Variants in CCDC81 observed in about 807,000 individuals in gnomAD.
The protein encoded by CCDC81 is coiled-coil domain-containing protein 81.
Under a neutral mutation model 83.7 loss-of-function variants are expected in CCDC81, and 79 were observed. The ratio of observed to expected loss-of-function variants is 0.94; its 90% CI spans 0.79 to 1.14. The LOEUF (loss-of-function observed/expected upper bound fraction) is 1.14. Among genes scored for constraint, CCDC81 ranks in the 50% most tolerant of loss-of-function variants. The pLI is 0.00. For missense variants in CCDC81, 791 were observed against 778.1 expected (o/e 1.02, Z -0.20); for synonymous variants, 252 against 278.1 (o/e 0.91, Z 0.93).
intron 7 of CCDC81, among the ~76,000 whole-genome samples, chr11:86,402,931 T>C (rs529792623): frequency 1.3e-5 from 2 of 152,076 alleles, no homozygotes; most frequent in African/African-American, 4.8e-5. Context: ...CTCAACCTGC[T>C]GGGCTCAAGT....
At chr11:86,401,392 CCTAA>C (rs1276883345) in intron 7 of CCDC81, among the ~76,000 whole-genome samples, 1 of 152,138 alleles carries the variant, frequency 6.6e-6, no homozygotes, top group African/African-American at 2.4e-5. Flanking sequence ...TTACTGAGCA[CCTAA>C]CTATGTACTT....
chr11:86,383,181 A>G (rs1329709151), intron 1 of CCDC81, among the ~76,000 whole-genome samples: 1 of 152,196 alleles, frequency 6.6e-6, no homozygotes, highest in African/African-American at 2.4e-5. Flanking sequence ...TGAACTGGGT[A>G]AAAGTTGAGT....
At chr11:86,399,284 C>T (rs1232318478) in intron 6 of CCDC81, among the ~76,000 whole-genome samples, 3 of 152,108 alleles carry the variant, frequency 2.0e-5, no homozygotes, top group Non-Finnish European at 4.4e-5. Context: ...CCCACTGTGC[C>T]CTATAGAGAC....
chr11:86,397,636 G>T lies in CCDC81; in HGVS notation c.651G>T (p.Glu217Asp). The change falls in exon 6 of 15, where the codon GAG becomes GAT. Residue 217 changes from glutamate to aspartate, a missense_variant. Transcript: ENST00000445632. Reference protein sequence around the residue: ...VLAFPRIELKEMENKLPMETL... With the variant: ...VLAFPRIELKDMENKLPMETL... ...TCATTCCTAGGATTGAGCTCAAGGAGATGGAAAACAAACTGCCTATGGAGA... is the reference window on the plus strand; with the variant it reads ...TCATTCCTAGGATTGAGCTCAAGGATATGGAAAACAAACTGCCTATGGAGA... 1 of 1,612,648 alleles carries T rather than the reference G, an allele frequency of 6.2e-7. No homozygotes were observed. Among genetic ancestry groups the T allele is most frequent in the South Asian group, 1.1e-5 (1 of 90,910 alleles).
At chr11:86,388,208 C>CTCT in intron 3 of CCDC81, among the ~76,000 whole-genome samples, 1 of 138,122 alleles carries the variant, frequency 7.2e-6, no homozygotes. Flanking sequence ...TTCCCTCCTT[C>CTCT]CCTCCTTCCT....
intron 6 of CCDC81, among the ~76,000 whole-genome samples, chr11:86,399,192 C>T (rs73517955): frequency 3.8e-4 from 58 of 152,326 alleles, no homozygotes; most frequent in African/African-American, 1.3e-3. Flanking sequence ...TTGTGCATGT[C>T]TGTTTTCTAC....
At chr11:86,407,569 G>T (rs770248141) in intron 7 of CCDC81, 45 bp from the exon 8 acceptor site, 1 of 1,305,664 alleles carries the variant, frequency 7.7e-7, no homozygotes, top group Admixed American at 1.8e-5. Context: ...TGCCCTTGAG[G>T]TCAGATTGTA....
In CCDC81 at chr11:86,422,737, T is replaced by C. The variant is rs754724409; in HGVS notation, c.*22T>C. 11 of 1,607,178 alleles carry C rather than the reference T, an allele frequency of 6.8e-6. No individual in the cohort carries two copies. In the South Asian group the frequency reaches 8.8e-5, roughly 13 times the overall value. ...GTAAAACTCAAAGTTTGGCTCTTCG[T>C]TTCCCGGGGAAAGTTTTTATCTTTT... is the stretch of plus-strand genomic sequence containing the variant. On this transcript the variant is annotated 3_prime_UTR_variant, in exon 15 of 15. Coordinates refer to ENST00000445632, the MANE Select transcript of CCDC81 (RefSeq NM_001156474.2).
At chr11:86,397,389 C>G (rs546452777) in intron 5 of CCDC81, among the ~76,000 whole-genome samples, 1 of 152,304 alleles carries the variant, frequency 6.6e-6, no homozygotes, top group East Asian at 1.9e-4. Flanking sequence ...TCTCTATATG[C>G]AAGCTGCTTT....
intron 2 of CCDC81, among the ~76,000 whole-genome samples, chr11:86,386,969 G>C (rs1260235874): frequency 6.6e-6 from 1 of 152,118 alleles, no homozygotes; most frequent in Non-Finnish European, 1.5e-5. Flanking sequence ...AGGCATTTGA[G>C]TTTGTAGTTC....
intron 6 of CCDC81, 89 bp downstream of exon 6, chr11:86,397,831 T>G: frequency 2.1e-6 from 3 of 1,437,564 alleles, no homozygotes; most frequent in Non-Finnish European, 2.8e-6. Flanking sequence ...TAAAGTTAAA[T>G]TTACAAATAA....
chr11:86,378,666 A>G (rs897426894), intron 1 of CCDC81, among the ~76,000 whole-genome samples: 2 of 152,202 alleles, frequency 1.3e-5, no homozygotes, highest in African/African-American at 4.8e-5. Flanking sequence ...TTAGGTGCAT[A>G]CATATTAAAA....
At chr11:86,409,652 T>C (rs1370375657) in intron 10 of CCDC81, among the ~76,000 whole-genome samples, 2 of 152,194 alleles carry the variant, frequency 1.3e-5, no homozygotes, top group Non-Finnish European at 2.9e-5. Flanking sequence ...GGTTTCGCCA[T>C]GTTGGCCAGG....
At chr11:86,379,598 T>C (rs7933447) in intron 1 of CCDC81, among the ~76,000 whole-genome samples, 462 of 152,296 alleles carry the variant, frequency 3.0e-3, no homozygotes, top group African/African-American at 0.011. Context: ...TAAATGTAAA[T>C]ATATATGATA....
At chr11:86,376,503 C>T (rs537414900) in intron 1 of CCDC81, among the ~76,000 whole-genome samples, 23 of 152,142 alleles carry the variant, frequency 1.5e-4, no homozygotes, top group Admixed American at 7.9e-4. Context: ...GAGAGAAGCC[C>T]GGGGGACCAG....
chr11:86,386,138 A>G, intron 2 of CCDC81, 26 bp downstream of exon 2: 1 of 840,044 alleles, frequency 1.2e-6, no homozygotes, highest in Non-Finnish European at 1.6e-6. Flanking sequence ...TTATTAATTT[A>G]TTAATAAATT....
rs1166314083 is a variant in CCDC81 at position 86,414,850 on chromosome 11, A to C, written c.1453A>C (p.Arg485=). 6.2e-7 allele frequency: 1 copy of C among 1,610,010 alleles called. No homozygotes were observed. The highest frequency in any genetic ancestry group is 1.1e-5 in the South Asian group (1 of 89,632). Residue 485 remains arginine, a synonymous_variant, in exon 12 of 15, where the codon AGA becomes CGA. Coordinates refer to ENST00000445632, the MANE Select transcript of CCDC81 (RefSeq NM_001156474.2). ...DKMEETQCYK[R]ALDAQIKNKP... ...GATGGAAGAAACACAGTGTTACAAGAGAGCTTTGGATGCACAGGTAAGGGG... is the reference window on the plus strand; with the variant it reads ...GATGGAAGAAACACAGTGTTACAAGCGAGCTTTGGATGCACAGGTAAGGGG...
In CCDC81 at chr11:86,419,967, T is replaced by C. The variant is rs143827396; in HGVS notation, c.1731T>C (p.Asn577=). The C allele has an allele frequency of 6.0e-4, 963 of 1,613,700 alleles. 9 individuals are homozygous for C. The African/African-American group carries it at 0.012, about 20-fold the overall frequency. ...GAACCGCTGAGCTGGAGCGAGTAAA[T>C]AGAGTCAACCAATGCTTACAGGAGG... ...ADRTAELERV[N]RVNQCLQEDW... The change falls in exon 14 of 15, where the codon AAT becomes AAC. Residue 577 remains asparagine, a synonymous_variant. Coordinates refer to ENST00000445632, the MANE Select transcript of CCDC81 (RefSeq NM_001156474.2).
chr11:86,412,140 T>G (rs1425667268), intron 10 of CCDC81, among the ~76,000 whole-genome samples: 2 of 152,244 alleles, frequency 1.3e-5, no homozygotes, highest in Non-Finnish European at 2.9e-5. Context: ...TCTCAGTGAT[T>G]GGCTTTCTGT....
Sources: allele counts gnomAD v4.1 joint callset (sites outside exome capture counted in the v4.1 genomes callset), GRCh38; gene constraint gnomAD v4.1.1; transcripts MANE v1.5; gene names NCBI Gene and HGNC (gene_info 2026-07-23, HGNC 2026-07-21).